NBAS: variants seen among roughly 807,000 people sequenced by gnomAD.
NBAS encodes the protein NAG/BC035112 fusion.
In NBAS, 219 loss-of-function variants were observed where a neutral mutation model predicts 302.5. The observed-to-expected ratio is 0.72, with a 90% CI of 0.65 to 0.81. The LOEUF (loss-of-function observed/expected upper bound fraction) is 0.81, where lower values mean the gene tolerates loss of function less well. Ranked by LOEUF, NBAS falls within the 30% of genes least tolerant of loss-of-function variation. The probability of loss-of-function intolerance (pLI) is 0.00; values close to 1 mark genes in which losing one functional copy is unlikely to be tolerated. For missense variants in NBAS, 2,932 were observed against 2,841.6 expected, an observed-to-expected ratio of 1.03 and a Z score of -0.72; for synonymous variants, 1,118 against 1,021.6, an observed-to-expected ratio of 1.09 and a Z score of -1.80.
chr2:15,377,689 A>G (rs1285982786), intron 30 of NBAS, among the ~76,000 whole-genome samples: 1 of 152,218 alleles, frequency 6.6e-6, no homozygotes, highest in African/African-American at 2.4e-5. Flanking sequence ...GGTGTACTAA[A>G]TGCAGTCAGA....
the NBAS span, among the ~76,000 whole-genome samples, chr2:15,064,042 C>A: frequency 1.3e-5 from 2 of 152,076 alleles, no homozygotes; most frequent in Admixed American, 6.5e-5. Flanking sequence ...TCTTGCTAGG[C>A]CCATTTATTT....
the NBAS span, among the ~76,000 whole-genome samples, chr2:14,928,432 C>T: frequency 6.6e-6 from 1 of 152,124 alleles, no homozygotes; most frequent in African/African-American, 2.4e-5. Context: ...TTACATCACA[C>T]TTGGGAAGAG....
intron 44 of NBAS, among the ~76,000 whole-genome samples, chr2:15,244,528 A>G (rs536130317): frequency 6.6e-6 from 1 of 152,238 alleles, no homozygotes; most frequent in South Asian, 2.1e-4. Context: ...TGTCTGCCAA[A>G]TATCTCTTAT....
chr2:15,482,571 A>G (rs1362438843), intron 12 of NBAS, among the ~76,000 whole-genome samples: 1 of 152,144 alleles, frequency 6.6e-6, no homozygotes, highest in African/African-American at 2.4e-5. Context: ...CCACCCCAAC[A>G]GTTTCTGGCA....
the NBAS span, among the ~76,000 whole-genome samples, chr2:15,030,090 C>T: frequency 5.9e-5 from 9 of 152,196 alleles, no homozygotes; most frequent in Admixed American, 2.0e-4. Context: ...GGAGGAAACT[C>T]TTCATCATGT....
the NBAS span, among the ~76,000 whole-genome samples, chr2:14,926,465 G>A: frequency 1.9e-4 from 28 of 148,508 alleles, no homozygotes; most frequent in African/African-American, 6.3e-4. Flanking sequence ...ACAAAAATTG[G>A]GGGCAATATC....
At chr2:15,117,610 T>C in the NBAS span, among the ~76,000 whole-genome samples, 2 of 152,332 alleles carry the variant, frequency 1.3e-5, no homozygotes, top group Admixed American at 6.5e-5. Context: ...GCAGACCTTC[T>C]CAGAGCCTTT....
the NBAS span, among the ~76,000 whole-genome samples, chr2:14,982,105 C>T: frequency 6.6e-6 from 1 of 152,192 alleles, no homozygotes; most frequent in African/African-American, 2.4e-5. Flanking sequence ...AGATGCTCCA[C>T]CACAAAACCA....
At chr2:15,456,992 C>T (rs9287664) in intron 21 of NBAS, among the ~76,000 whole-genome samples, 91,911 of 151,810 alleles carry the variant, frequency 0.61, 28,791 homozygotes, top group Non-Finnish European at 0.68. Context: ...AAGAGATATG[C>T]TGAGTAGAGA....
intron 44 of NBAS, among the ~76,000 whole-genome samples, chr2:15,252,221 G>A (rs1054900409): frequency 2.6e-5 from 4 of 152,082 alleles, no homozygotes; most frequent in Non-Finnish European, 2.9e-5. Flanking sequence ...ACATAGCGCC[G>A]GGCACAGGGG....
At chr2:15,409,480 T>A (rs926465681) in intron 25 of NBAS, among the ~76,000 whole-genome samples, 1 of 152,338 alleles carries the variant, frequency 6.6e-6, no homozygotes, top group African/African-American at 2.4e-5. Flanking sequence ...CACCTTCATG[T>A]GTAACAATCC....
the NBAS span, among the ~76,000 whole-genome samples, chr2:14,889,800 G>A: frequency 8.5e-5 from 13 of 152,232 alleles, no homozygotes; most frequent in East Asian, 3.9e-4. Context: ...ATTAACCAAC[G>A]GGACAGGCTT....
In NBAS at chr2:15,234,575, C is replaced by T. The variant is rs1168379049; in HGVS notation, c.6116G>A (p.Ser2039Asn). 6.2e-6 allele frequency: 10 copies of T among 1,613,972 alleles called. No homozygotes were observed. The highest frequency in any genetic ancestry group is 8.5e-6 in the Non-Finnish European group (10 of 1,180,006). The change falls in exon 46 of 52, where the codon AGT (serine) becomes AAT (asparagine). Residue 2039 changes from serine to asparagine, a missense_variant. Physicochemically the swap from Ser to Asn is conservative, Grantham distance 46 (BLOSUM62 1). Coordinates refer to ENST00000281513, the MANE Select transcript of NBAS (RefSeq NM_015909.4). ...TGCAGAAATTATTTTCATGATTGCA[C>T]TCTGCACTATATCCTTGGGTGAGAT... ...LDISPKDIVQSAIMKIISALS... is the reference protein window; with the variant it reads ...LDISPKDIVQNAIMKIISALS...
chr2:15,512,893 T>A (rs1163677762), intron 9 of NBAS, among the ~76,000 whole-genome samples: 2 of 152,154 alleles, frequency 1.3e-5, no homozygotes, highest in South Asian at 4.1e-4. Context: ...AATATATACC[T>A]TTTTTCTTTC....
intron 9 of NBAS, among the ~76,000 whole-genome samples, chr2:15,529,131 C>A (rs995744268): frequency 6.6e-6 from 1 of 151,914 alleles, no homozygotes; most frequent in African/African-American, 2.4e-5. Context: ...TGAACACATA[C>A]GCTTTTTAAG....
At chr2:15,338,674 T>TACACACAC (rs70961409) in intron 35 of NBAS, among the ~76,000 whole-genome samples, 35,464 of 134,534 alleles carry the variant, frequency 0.26, 5,130 homozygotes, top group Non-Finnish European at 0.34. Context: ...AACACACACA[T>TACACACAC]ACACACACAC....
At chr2:15,171,582 T>C (rs1664292765) in intron 51 of NBAS, among the ~76,000 whole-genome samples, 1 of 152,218 alleles carries the variant, frequency 6.6e-6, no homozygotes, top group African/African-American at 2.4e-5. Context: ...TTGCACATAC[T>C]TTCTTCTTCA....
chr2:14,804,467 A>G, the NBAS span, among the ~76,000 whole-genome samples: 1 of 152,218 alleles, frequency 6.6e-6, no homozygotes, highest in African/African-American at 2.4e-5. Context: ...TGAATCAACA[A>G]TACGTGCCAT....
At chr2:15,131,143 G>C in the NBAS span, among the ~76,000 whole-genome samples, 2 of 152,124 alleles carry the variant, frequency 1.3e-5, no homozygotes, top group Admixed American at 6.6e-5. Flanking sequence ...TCACAACTCT[G>C]TGTCAGTGCC....
Sources: allele counts gnomAD v4.1 joint callset (sites outside exome capture counted in the v4.1 genomes callset), GRCh38; gene constraint gnomAD v4.1.1; transcripts MANE v1.5; gene names NCBI Gene and HGNC (gene_info 2026-07-23, HGNC 2026-07-21).